The following TLE1 variants were observed in gnomAD, a reference collection of about 807,000 sequenced individuals.
TLE1 encodes the protein transducin-like enhancer protein 1.
TLE1 carries 21 observed loss-of-function variants against 89.8 expected under a neutral mutation model. That is an observed-to-expected ratio of 0.23 (90% CI 0.17 to 0.34). TLE1 has a LOEUF of 0.34. TLE1 is among the 10% of genes least tolerant of loss of function. The pLI is 1.00. For synonymous variants in TLE1, 447 were observed against 407.6 expected (o/e 1.10, Z -1.16); for missense variants, 795 against 1,031.2 (o/e 0.77, Z 3.14).
intron 4 of TLE1, among the ~76,000 whole-genome samples, chr9:81,666,602 C>T (rs1309049330): frequency 2.0e-5 from 3 of 151,350 alleles, no homozygotes; most frequent in Non-Finnish European, 4.4e-5. Flanking sequence ...TGACGAAACG[C>T]AGTCTCTACT....
intron 6 of TLE1, among the ~76,000 whole-genome samples, chr9:81,639,248 C>T (rs1308191386): frequency 6.7e-6 from 1 of 148,360 alleles, no homozygotes; most frequent in Admixed American, 6.7e-5. Context: ...ATTTTTTTTA[C>T]ACAGATGGGG....
intron 15 of TLE1, among the ~76,000 whole-genome samples, chr9:81,592,339 C>G (rs952903021): frequency 1.3e-5 from 2 of 152,210 alleles, no homozygotes; most frequent in Non-Finnish European, 2.9e-5. Flanking sequence ...GCCTGGGCGA[C>G]AGAGCAAGAC....
At chr9:81,619,765 G>A (rs1169071064) in intron 9 of TLE1, among the ~76,000 whole-genome samples, 1 of 152,220 alleles carries the variant, frequency 6.6e-6, no homozygotes, top group Non-Finnish European at 1.5e-5. Flanking sequence ...ATCTGGCTTG[G>A]TTTGGTTTCC....
chr9:81,597,027 C>T (rs1830310855), intron 14 of TLE1, among the ~76,000 whole-genome samples: 1 of 152,154 alleles, frequency 6.6e-6, no homozygotes. Context: ...ATCAAGTGCC[C>T]AAACTTTGCT....
intron 4 of TLE1, among the ~76,000 whole-genome samples, chr9:81,683,557 G>A (rs1052012350): frequency 6.6e-6 from 1 of 152,136 alleles, no homozygotes; most frequent in Non-Finnish European, 1.5e-5. Flanking sequence ...TGCCTCCTCA[G>A]AACTTATTAT....
At chr9:81,613,297 G>T in intron 12 of TLE1, 80 bp downstream of exon 12, 1 of 1,551,148 alleles carries the variant, frequency 6.4e-7, no homozygotes, top group Non-Finnish European at 8.7e-7. Context: ...TAGGGCAATT[G>T]CGTCACAACA....
intron 4 of TLE1, among the ~76,000 whole-genome samples, chr9:81,663,076 C>A (rs1447857162): frequency 1.3e-5 from 2 of 152,096 alleles, no homozygotes; most frequent in Non-Finnish European, 2.9e-5. Flanking sequence ...GAACTCCTTA[C>A]CTCAAATTAT....
At chr9:81,591,213 G>A (rs952682690) in intron 15 of TLE1, among the ~76,000 whole-genome samples, 161 bp from the exon 16 acceptor site, 1 of 152,178 alleles carries the variant, frequency 6.6e-6, no homozygotes, top group Admixed American at 6.5e-5. Flanking sequence ...AAGTACAACT[G>A]TCTCCTTCAA....
chr9:81,618,388 G>T (rs1824820773), intron 9 of TLE1, among the ~76,000 whole-genome samples: 1 of 152,124 alleles, frequency 6.6e-6, no homozygotes, highest in South Asian at 2.1e-4. Context: ...CTAAATTCAG[G>T]TCTTAAATGA....
chr9:81,622,438 CTTGT>C (rs1197046558), intron 8 of TLE1, among the ~76,000 whole-genome samples: 1 of 150,540 alleles, frequency 6.6e-6, no homozygotes, highest in African/African-American at 2.5e-5. Context: ...TTCTTAATGT[CTTGT>C]TTTTTTTTGT....
At chr9:81,657,626 A>C (rs1341806923) in intron 4 of TLE1, among the ~76,000 whole-genome samples, 1 of 152,186 alleles carries the variant, frequency 6.6e-6, no homozygotes, top group Non-Finnish European at 1.5e-5. Flanking sequence ...AAAGAAAAGA[A>C]AGACATATGA....
intron 8 of TLE1, 102 bp downstream of exon 8, chr9:81,633,246 G>A (rs1826905904): frequency 2.5e-6 from 4 of 1,578,456 alleles, no homozygotes; most frequent in Non-Finnish European, 3.5e-6. Context: ...GAGTGTGCAT[G>A]TCTGTCTGTG....
chr9:81,687,469 G>C (rs780606201), intron 1 of TLE1, 35 bp from the exon 2 acceptor site: 26 of 1,527,416 alleles, frequency 1.7e-5, no homozygotes, highest in Non-Finnish European at 2.3e-5. Flanking sequence ...CGAGGGACGG[G>C]AATGCGGGCG....
intron 4 of TLE1, among the ~76,000 whole-genome samples, chr9:81,678,382 T>A (rs541740577): frequency 3.0e-4 from 46 of 151,394 alleles, no homozygotes; most frequent in African/African-American, 1.1e-3. Context: ...CCCAATTAAT[T>A]TTTTTTAAAT....
chr9:81,611,798 C>T lies in TLE1; in HGVS notation c.1225G>A (p.Ala409Thr), dbSNP rs762606911. 1.8e-5 allele frequency: 28 copies of T among 1,545,714 alleles called. No homozygotes were observed. Among genetic ancestry groups the T allele is most frequent in the South Asian group, 3.7e-5 (3 of 82,168 alleles). The change falls in exon 13 of 20, where the codon GCC (alanine) becomes ACC (threonine). Residue 409 changes from alanine (A) to threonine (T), a missense_variant. This residue lies in a region of TLE1 where 468 missense variants were observed against 509.1 expected (regional missense o/e 0.92). Transcript: ENST00000376499. ...GGGGAGCGCCCGTAGGCCACCACGGCGGCCGCGGCGGCTGCGGCGCTCATC... is the reference window on the plus strand; with the variant it reads ...GGGGAGCGCCCGTAGGCCACCACGGTGGCCGCGGCGGCTGCGGCGCTCATC... ...PQMSAAAAAAAVVAYGRSPMV... is the reference protein window; with the variant it reads ...PQMSAAAAAATVVAYGRSPMV...
chr9:81,607,137 G>C (rs535500409), intron 14 of TLE1, among the ~76,000 whole-genome samples: 2 of 151,794 alleles, frequency 1.3e-5, no homozygotes, highest in African/African-American at 4.8e-5. Flanking sequence ...GGCCAATGGC[G>C]ATTTTGACCA....
rs567735505 is a variant in TLE1, at chr9:81,593,325, G to A, written c.1332-51C>T. 5 of 1,550,280 alleles carry A rather than the reference G, an allele frequency of 3.2e-6. No individual in the cohort carries two copies. In the South Asian group the frequency reaches 4.8e-5, roughly 15 times the overall value. ...GACAGAAAACACATTTACAGAGGAA[G>A]CAATCCCTATCTCGGCAATGTGCTA... On this transcript the variant is annotated intron_variant, in intron 14 of 19. Coordinates refer to ENST00000376499, the MANE Select transcript of TLE1 (RefSeq NM_005077.5).
At chr9:81,672,997 A>C (rs927005863) in intron 4 of TLE1, among the ~76,000 whole-genome samples, 1 of 151,846 alleles carries the variant, frequency 6.6e-6, no homozygotes, top group East Asian at 1.9e-4. Context: ...ACAAGGCCGG[A>C]CGCGGTGGCT....
chr9:81,590,738 G>T, intron 16 of TLE1, 67 bp downstream of exon 16: 1 of 1,567,916 alleles, frequency 6.4e-7, no homozygotes, highest in Admixed American at 1.8e-5. Flanking sequence ...CAGCCAGAGA[G>T]AAGCAGAGGT....
Sources: gnomAD v4.1 joint callset for allele counts (sites outside exome capture counted in the v4.1 genomes callset) on GRCh38, gnomAD v4.1.1 for gene constraint, gnomAD v4.1.1 regional missense constraint, MANE v1.5 for transcripts, NCBI Gene and HGNC (gene_info 2026-07-23, HGNC 2026-07-21) for gene names.